GRID2: variants seen among roughly 807,000 people sequenced by gnomAD.
GRID2 encodes the protein glutamate ionotropic receptor delta type subunit 2.
Under a neutral mutation model 114.8 loss-of-function variants are expected in GRID2, and 33 were observed. The ratio of observed to expected loss-of-function variants is 0.29; its 90% CI spans 0.22 to 0.38. GRID2 has a LOEUF of 0.38. Among genes scored for constraint, GRID2 ranks in the 10% least tolerant of loss-of-function variants. The pLI is 1.00. For synonymous variants in GRID2, 505 were observed against 449.9 expected (o/e 1.12, Z -1.55); for missense variants, 1,184 against 1,257.7 (o/e 0.94, Z 0.89).
chr4:92,957,994 A>T (rs991638327), intron 2 of GRID2, among the ~76,000 whole-genome samples: 1 of 152,036 alleles, frequency 6.6e-6, no homozygotes, highest in Non-Finnish European at 1.5e-5. Flanking sequence ...TGTGTATATT[A>T]ACTTTGCATT....
chr4:92,849,424 T>C (rs1208997912), intron 2 of GRID2, among the ~76,000 whole-genome samples: 2 of 151,864 alleles, frequency 1.3e-5, no homozygotes, highest in South Asian at 2.1e-4. Context: ...TTTGAGACCA[T>C]GCAATGAGTT....
In GRID2 at chr4:93,285,263, T is replaced by G. The variant is rs141934791; in HGVS notation, c.1245+46773T>G. Among the ~76,000 whole-genome samples, 546 of 152,216 alleles carry G rather than the reference T, an allele frequency of 3.6e-3. 4 individuals carry two copies. Among genetic ancestry groups the G allele is most frequent in the African/African-American group, 0.013 (525 of 41,570 alleles). Reference sequence around the variant, plus strand: ...CACTTAAGTTCCTTTAAAGACCAACTTTTTCATAGAACATTAGAATTCAAG... The same window carrying G: ...CACTTAAGTTCCTTTAAAGACCAACGTTTTCATAGAACATTAGAATTCAAG... On this transcript the variant is annotated intron_variant, in intron 8 of 15. Transcript: ENST00000282020.
At chr4:93,484,180 A>G (rs1408698906) in intron 11 of GRID2, among the ~76,000 whole-genome samples, 1 of 151,920 alleles carries the variant, frequency 6.6e-6, no homozygotes, top group African/African-American at 2.4e-5. Context: ...ATGAATTACC[A>G]GCAATGGTCC....
intron 4 of GRID2, among the ~76,000 whole-genome samples, chr4:93,150,364 A>G (rs1273223260): frequency 6.6e-6 from 1 of 152,188 alleles, no homozygotes; most frequent in Non-Finnish European, 1.5e-5. Context: ...CACTGTACAT[A>G]AATACACAAA....
chr4:92,809,360 C>T (rs1740559470), intron 2 of GRID2, among the ~76,000 whole-genome samples: 1 of 151,900 alleles, frequency 6.6e-6, no homozygotes, highest in Non-Finnish European at 1.5e-5. Context: ...TAAAAATTTA[C>T]TATCATGGAA....
chr4:93,433,442 A>C (rs987397954), intron 10 of GRID2, among the ~76,000 whole-genome samples: 28 of 152,216 alleles, frequency 1.8e-4, no homozygotes, highest in Admixed American at 4.6e-4. Context: ...GCATGAATAG[A>C]GTCTCATTAA....
At chr4:93,068,251 A>G (rs1728486058) in intron 2 of GRID2, among the ~76,000 whole-genome samples, 1 of 152,078 alleles carries the variant, frequency 6.6e-6, no homozygotes, top group South Asian at 2.1e-4. Flanking sequence ...ACTTTCTGAT[A>G]CATGTTTTAA....
At chr4:93,343,079 GC>G (rs1383144824) in intron 8 of GRID2, among the ~76,000 whole-genome samples, 1 of 151,892 alleles carries the variant, frequency 6.6e-6, no homozygotes. Context: ...AATAAAGAGG[GC>G]CTGTAAAGTG....
chr4:92,722,040 T>A (rs1327973520), intron 2 of GRID2, among the ~76,000 whole-genome samples: 1 of 152,170 alleles, frequency 6.6e-6, no homozygotes, highest in East Asian at 1.9e-4. Context: ...TGAAAGGTGG[T>A]AGCCTGAGTG....
intron 2 of GRID2, among the ~76,000 whole-genome samples, chr4:92,835,609 TAAG>T (rs907039062): frequency 6.6e-6 from 1 of 152,132 alleles, no homozygotes; most frequent in Admixed American, 6.6e-5. Context: ...ATGCCAGACA[TAAG>T]AAGAATTTTT....
chr4:93,647,908 T>A (rs979078095), intron 14 of GRID2, among the ~76,000 whole-genome samples: 1 of 152,216 alleles, frequency 6.6e-6, no homozygotes, highest in Admixed American at 6.5e-5. Flanking sequence ...TCTAAAGTTT[T>A]TACATGTACT....
intron 3 of GRID2, among the ~76,000 whole-genome samples, chr4:93,098,287 G>A (rs1291978520): frequency 2.6e-5 from 4 of 151,926 alleles, no homozygotes; most frequent in Non-Finnish European, 5.9e-5. Context: ...TAACATGCTA[G>A]TCATGATTTC....
chr4:93,674,192 T>C (rs970893901), intron 14 of GRID2, among the ~76,000 whole-genome samples: 29 of 152,204 alleles, frequency 1.9e-4, no homozygotes, highest in African/African-American at 6.8e-4. Context: ...ACCTTAACTC[T>C]GGGCACTTCT....
chr4:93,252,727 T>G (rs1208380301), intron 8 of GRID2, among the ~76,000 whole-genome samples: 1 of 152,136 alleles, frequency 6.6e-6, no homozygotes, highest in Non-Finnish European at 1.5e-5. Flanking sequence ...TTTATTTGTG[T>G]CATCTCTGAT....
chr4:93,583,644 T>C (rs1737217954), intron 13 of GRID2, among the ~76,000 whole-genome samples: 1 of 152,162 alleles, frequency 6.6e-6, no homozygotes, highest in South Asian at 2.1e-4. Flanking sequence ...ACCAGCATTA[T>C]ATACCTAGGA....
chr4:93,411,947 AAAAAAAAGAAAAAAG>A (rs1767184317), intron 9 of GRID2, among the ~76,000 whole-genome samples: 1 of 151,818 alleles, frequency 6.6e-6, no homozygotes, highest in African/African-American at 2.4e-5. Flanking sequence ...CTATTAAAAA[AAAAAAAAGAAAAAAG>A]AAAAAAACAA....
rs80002693 is a variant in GRID2 at position 93,518,283 on chromosome 4, C to T, written c.2193+2872C>T. 1.9e-3 allele frequency among the ~76,000 whole-genome samples: 296 copies of T among 151,806 alleles called. 1 individual carries two copies. In the East Asian group the frequency reaches 0.038, roughly 19 times the overall value. ...ACCGATCTCATCTACCATCTTGTTTCGGCTTGTACCAAAGAAATCTGTGTA... is the reference window on the plus strand; with the variant it reads ...ACCGATCTCATCTACCATCTTGTTTTGGCTTGTACCAAAGAAATCTGTGTA... On this transcript the variant is annotated intron_variant, in intron 13 of 15. Coordinates refer to ENST00000282020, the MANE Select transcript of GRID2 (RefSeq NM_001510.4).
chr4:93,799,852 T>C (rs1734889768), intron 1 of GRID2, among the ~76,000 whole-genome samples: 1 of 152,226 alleles, frequency 6.6e-6, no homozygotes, highest in Non-Finnish European at 1.5e-5. Context: ...AATTCATAGG[T>C]GTCTGTTTTC....
At chr4:93,546,420 G>A (rs746881419) in intron 13 of GRID2, among the ~76,000 whole-genome samples, 1 of 152,168 alleles carries the variant, frequency 6.6e-6, no homozygotes, top group Non-Finnish European at 1.5e-5. Flanking sequence ...ATAGGGCTGA[G>A]CCAGGTGACT....
Sources: allele counts gnomAD v4.1 joint callset (sites outside exome capture counted in the v4.1 genomes callset), GRCh38; gene constraint gnomAD v4.1.1; transcripts MANE v1.5; gene names NCBI Gene and HGNC (gene_info 2026-07-23, HGNC 2026-07-21).